POLN: variants seen among roughly 807,000 people sequenced by gnomAD.
The protein encoded by POLN is DNA polymerase N.
A neutral mutation model predicts 113.5 loss-of-function variants in POLN; 108 were observed. The ratio of observed to expected loss-of-function variants is 0.95; its 90% CI spans 0.81 to 1.12. POLN has a LOEUF of 1.12. Among genes scored for constraint, POLN ranks in the 50% most tolerant of loss-of-function variants. POLN has a pLI of 0.00. For synonymous variants in POLN, 386 were observed against 391.5 expected (o/e 0.99, Z 0.17); for missense variants, 1,097 against 1,077.1 (o/e 1.02, Z -0.26).
At chr4:2,158,861 G>C (rs972970741) in intron 14 of POLN, among the ~76,000 whole-genome samples, 4 of 152,164 alleles carry the variant, frequency 2.6e-5, no homozygotes, top group Non-Finnish European at 5.9e-5. Flanking sequence ...ACTGCTGGGC[G>C]TCTCCTGCAC....
chr4:2,115,380 T>C (rs7442310), intron 19 of POLN, among the ~76,000 whole-genome samples: 7,566 of 152,038 alleles, frequency 0.05, 672 homozygotes, highest in African/African-American at 0.17. Context: ...TTTTTTGATG[T>C]AGTATTTTTC....
chr4:2,172,894 A>G (rs1177800718), intron 11 of POLN, among the ~76,000 whole-genome samples: 1 of 152,212 alleles, frequency 6.6e-6, no homozygotes, highest in Non-Finnish European at 1.5e-5. Flanking sequence ...CCACTTGGAA[A>G]CAACCACACG....
At chr4:2,201,656 G>A (rs1169018209) in intron 5 of POLN, among the ~76,000 whole-genome samples, 3 of 152,100 alleles carry the variant, frequency 2.0e-5, no homozygotes, top group Admixed American at 2.0e-4. Context: ...AACTTCCCTG[G>A]CCTTGCTAGA....
intron 19 of POLN, among the ~76,000 whole-genome samples, chr4:2,099,389 G>A (rs1054168050): frequency 6.6e-6 from 1 of 152,214 alleles, no homozygotes; most frequent in African/African-American, 2.4e-5. Flanking sequence ...CAGTGTGAAG[G>A]GAACGGCCCT....
intron 16 of POLN, among the ~76,000 whole-genome samples, chr4:2,135,457 T>G (rs972513540): frequency 7.2e-5 from 11 of 152,184 alleles, no homozygotes; most frequent in African/African-American, 2.7e-4. Context: ...GGTTCACATT[T>G]CCAAACACAT....
intron 2 of POLN, chr4:2,230,992 A>C (rs968610536): frequency 6.6e-6 from 1 of 152,224 alleles, no homozygotes; most frequent in African/African-American, 2.4e-5. Context: ...TTGAAATTCA[A>C]ATTTCATTTG....
intron 7 of POLN, among the ~76,000 whole-genome samples, chr4:2,192,375 G>T (rs542815019): frequency 1.3e-5 from 2 of 151,990 alleles, no homozygotes; most frequent in East Asian, 3.9e-4. Flanking sequence ...TCCTGAGACG[G>T]AATCTCACTC....
chr4:2,240,804 T>C (rs1213679341), intron 2 of POLN: 1 of 1,613,864 alleles, frequency 6.2e-7, no homozygotes, highest in African/African-American at 1.3e-5. Flanking sequence ...GTTCTGTTCA[T>C]TCACATTCCC....
intron 5 of POLN, among the ~76,000 whole-genome samples, chr4:2,203,935 C>A (rs950510940): frequency 2.0e-5 from 3 of 151,468 alleles, no homozygotes; most frequent in African/African-American, 4.9e-5. Flanking sequence ...TATGGTGAAA[C>A]CCCATCTCTA....
At chr4:2,238,335 T>C (rs910524144) in intron 2 of POLN, among the ~76,000 whole-genome samples, 2 of 151,794 alleles carry the variant, frequency 1.3e-5, no homozygotes, top group Non-Finnish European at 2.9e-5. Flanking sequence ...TAAATAATGA[T>C]GCCTAAAGGG....
chr4:2,156,770 G>C lies in POLN; in HGVS notation c.1731+18C>G. ...AGGAAAATGGCGTTTAACAAAGACA[G>C]TTGTTTAAACAACTTACAGGATGCT... On this transcript the variant is annotated intron_variant, in intron 16 of 25. Coordinates refer to ENST00000511885, the MANE Select transcript of POLN (RefSeq NM_181808.4). 1.9e-6 allele frequency: 3 copies of C among 1,598,812 alleles called. No individual in the cohort carries two copies. The African/African-American group carries it at 4.0e-5, about 21-fold the overall frequency.
At chr4:2,129,994 C>T (rs1445401025) in intron 17 of POLN, among the ~76,000 whole-genome samples, 1 of 151,658 alleles carries the variant, frequency 6.6e-6, no homozygotes, top group Admixed American at 6.6e-5. Flanking sequence ...TGGCTCACAC[C>T]TGTAATCCCA....
intron 2 of POLN, chr4:2,238,869 T>C (rs1170904312): frequency 4.3e-6 from 7 of 1,613,342 alleles, no homozygotes; most frequent in Non-Finnish European, 5.9e-6. Flanking sequence ...TAATCTTGTT[T>C]AGCAATCTGC....
intron 11 of POLN, among the ~76,000 whole-genome samples, chr4:2,171,443 C>T (rs1288417874): frequency 1.3e-5 from 2 of 150,196 alleles, no homozygotes; most frequent in African/African-American, 4.9e-5. Flanking sequence ...CACCTGTGGT[C>T]CTAGCTGCTT....
intron 13 of POLN, among the ~76,000 whole-genome samples, chr4:2,165,384 A>G (rs1022181622): frequency 6.6e-6 from 1 of 152,216 alleles, no homozygotes; most frequent in African/African-American, 2.4e-5. Flanking sequence ...AAAACTGTGG[A>G]AACAGTAAAA....
chr4:2,218,979 C>A (rs966611619), intron 3 of POLN, among the ~76,000 whole-genome samples: 1 of 152,192 alleles, frequency 6.6e-6, no homozygotes, highest in Non-Finnish European at 1.5e-5. Context: ...TCTGCCATTT[C>A]TCCTAGGTTG....
chr4:2,201,019 G>A (rs554258077), intron 5 of POLN, among the ~76,000 whole-genome samples: 2 of 152,188 alleles, frequency 1.3e-5, no homozygotes, highest in East Asian at 1.9e-4. Context: ...TGTAATCCCA[G>A]CACTTTGGGA....
At chr4:2,174,358 G>A (rs1732943633) in intron 10 of POLN, among the ~76,000 whole-genome samples, 1 of 152,220 alleles carries the variant, frequency 6.6e-6, no homozygotes, top group South Asian at 2.1e-4. Context: ...ATCAGTTCTT[G>A]CAGGAAGGTT....
chr4:2,080,030 C>T (rs1335598089), intron 23 of POLN: 19 of 985,344 alleles, frequency 1.9e-5, no homozygotes, highest in Non-Finnish European at 2.3e-5. Context: ...TCGCCAAGAG[C>T]TTGAGGGCTC....
Sources: gnomAD v4.1 joint callset for allele counts (sites outside exome capture counted in the v4.1 genomes callset) on GRCh38, gnomAD v4.1.1 for gene constraint, MANE v1.5 for transcripts, NCBI Gene and HGNC (gene_info 2026-07-23, HGNC 2026-07-21) for gene names.